Variants in CPNE7 observed in about 807,000 individuals in gnomAD.
CPNE7 encodes the protein copine 7.
CPNE7 carries 78 observed loss-of-function variants against 66.5 expected under a neutral mutation model. The observed-to-expected ratio is 1.17, with a 90% CI of 0.98 to 1.42. The LOEUF is 1.42. CPNE7 is among the 40% of genes most tolerant of loss of function. CPNE7 has a pLI of 0.00. For missense variants in CPNE7, 1,012 were observed against 776.6 expected (o/e 1.30, Z -3.60); for synonymous variants, 468 against 336.7 (o/e 1.39, Z -4.27).
intron 1 of CPNE7, among the ~76,000 whole-genome samples, chr16:89,576,777 G>T (rs1245757625): frequency 6.6e-6 from 1 of 152,194 alleles, no homozygotes; most frequent in East Asian, 1.9e-4. Flanking sequence ...CTCCAGCGCG[G>T]GCCCGGGCGG....
In CPNE7 at chr16:89,577,432, G is replaced by A. The variant is rs536591292; in HGVS notation, c.175-107G>A. ...GGCAGGAGGTCTTCCCAGGGTATGA[G>A]TCCTCCTGAGGTACCTGGGCGTGGG... On this transcript the variant is annotated intron_variant, in intron 1 of 14. Transcript: ENST00000319518. The A allele has an allele frequency of 3.5e-4, 411 of 1,160,694 alleles. 5 individuals are homozygous for A. In the South Asian group the frequency reaches 5.8e-3, roughly 17 times the overall value. 71.9% of individuals were successfully genotyped at this position (1,160,694 alleles called of 1,614,324 possible).
chr16:89,588,591 C>G lies in CPNE7; in HGVS notation c.928-84C>G, dbSNP rs575377902. Reference sequence around the variant, plus strand: ...GACCCCTGACCCTGAGTCCTGGCCACTCTGGGCGTGGTTTCTCTACCTGTC... The same window carrying G: ...GACCCCTGACCCTGAGTCCTGGCCAGTCTGGGCGTGGTTTCTCTACCTGTC... On this transcript the variant is annotated intron_variant, in intron 9 of 14. Transcript: ENST00000319518. 12 of 1,571,994 alleles carry G rather than the reference C, an allele frequency of 7.6e-6. No individual in the cohort carries two copies. The African/African-American group carries it at 1.6e-4, about 21-fold the overall frequency.
At chr16:89,588,232 C>G (rs1597711748) in intron 9 of CPNE7, among the ~76,000 whole-genome samples, 3 of 151,066 alleles carry the variant, frequency 2.0e-5, no homozygotes, top group Admixed American at 6.6e-5. Flanking sequence ...TACACGGCCC[C>G]CGTGTCACCC....
At chr16:89,592,075 C>T (rs1244725735) in intron 13 of CPNE7, among the ~76,000 whole-genome samples, 1 of 149,654 alleles carries the variant, frequency 6.7e-6, no homozygotes, top group African/African-American at 2.5e-5. Flanking sequence ...GTGGCGCAAT[C>T]TCCGCTCACT....
rs770620609 is a variant in CPNE7, at chr16:89,595,644, G to GTCCC, written c.1539+43_1539+46dup. Reference sequence around the variant, plus strand: ...GGGCTCCGTCAAGGCCGGCTTGGGGGTCCCTGTTCATGTCACTGCCCAAGA... The same window carrying GTCCC: ...GGGCTCCGTCAAGGCCGGCTTGGGGGTCCCTCCCTGTTCATGTCACTGCCCAAGA... On this transcript the variant is annotated intron_variant, in intron 14 of 14. Transcript: ENST00000319518. 11 of 1,544,800 alleles carry GTCCC rather than the reference G, an allele frequency of 7.1e-6. No individual in the cohort carries two copies. In the African/African-American group the frequency reaches 1.4e-4, roughly 19 times the overall value.
At chr16:89,589,325 A>G (rs892943362) in intron 10 of CPNE7, among the ~76,000 whole-genome samples, 1 of 152,180 alleles carries the variant, frequency 6.6e-6, no homozygotes, top group African/African-American at 2.4e-5. Flanking sequence ...AGGGCTGGGT[A>G]GCCCTACTGG....
chr16:89,588,763 T>A lies in CPNE7; in HGVS notation c.1016T>A (p.Leu339Gln), dbSNP rs148999662. Residue 339 changes from leucine to glutamine, a missense_variant, in exon 10 of 15, where the codon CTG becomes CAG. Physicochemically the swap from Leu to Gln is moderately radical, Grantham distance 113. Transcript: ENST00000319518. ...AACCCCTACCAGCCGAACGAGTACC[T>A]GAAGGCACTGGTGTCCGTGGGCGAG... is the stretch of plus-strand genomic sequence containing the variant. ...YINPYQPNEY[L>Q]KALVSVGEIC... 109 of 1,613,620 alleles carry A rather than the reference T, an allele frequency of 6.8e-5. No homozygotes were observed. Among genetic ancestry groups the A allele is most frequent in the Middle Eastern group, 1.6e-4 (1 of 6,084 alleles).
chr16:89,588,646 CA>C, intron 9 of CPNE7, 28 bp from the exon 10 acceptor site: 1 of 1,612,272 alleles, frequency 6.2e-7, no homozygotes, highest in Non-Finnish European at 8.5e-7. Flanking sequence ...CCCGGCCCAG[CA>C]CAGCTCCTGG....
chr16:89,576,076 G>T lies in CPNE7; in HGVS notation c.174+5G>T. On this transcript the variant is annotated splice_donor_5th_base_variant and intron_variant, in intron 1 of 14. Transcript: ENST00000319518. ...GCGCAGGGCCAGTGGGTGCAGGTAG[G>T]GCCGGGGCGTGGGAGGCCGAGAGGC... 1 of 1,261,006 alleles carries T rather than the reference G, an allele frequency of 7.9e-7. No individual in the cohort carries two copies. The allele number at this position is 1,261,006 out of a possible 1,614,324, so 78.1% of individuals were successfully genotyped here. A position where few individuals can be genotyped will look rare whatever the true frequency, so the allele number is the denominator to read the frequency against.
rs151338438 is a variant in CPNE7, at chr16:89,590,645, C to T, written c.1117-362C>T. Among the ~76,000 whole-genome samples the T allele has an allele frequency of 4.6e-3, 687 of 150,850 alleles. 5 individuals carry two copies. Among genetic ancestry groups the T allele is most frequent in the African/African-American group, 0.016 (663 of 40,920 alleles). On this transcript the variant is annotated intron_variant, in intron 11 of 14. Transcript: ENST00000319518. ...GCTGGATCCAGGGAGGTCTGCCTCCCTCTCTGTTTCATGACTCTGCAGAAC... is the reference window on the plus strand; with the variant it reads ...GCTGGATCCAGGGAGGTCTGCCTCCTTCTCTGTTTCATGACTCTGCAGAAC...
Position 89,584,248 on chromosome 16 carries a change from T to G in CPNE7, c.507+146T>G, listed in dbSNP as rs911644517. On this transcript the variant is annotated intron_variant, in intron 4 of 14. Coordinates refer to ENST00000319518, the MANE Select transcript of CPNE7 (RefSeq NM_153636.3). The surrounding 1 kb of genome is among the most constrained non-coding windows in gnomAD (Gnocchi z 6.0). ...GTGCCTGGGGCTGGGCGTGCTGCCGTCACGGTCGCCATCATCACTGTCACC... is the reference window on the plus strand; with the variant it reads ...GTGCCTGGGGCTGGGCGTGCTGCCGGCACGGTCGCCATCATCACTGTCACC... 1.4e-5 allele frequency: 11 copies of G among 791,424 alleles called. No homozygotes were observed. Among genetic ancestry groups the G allele is most frequent in the Non-Finnish European group, 2.1e-5 (11 of 512,752 alleles). 49.0% of individuals were successfully genotyped at this position (791,424 alleles called of 1,614,324 possible).
chr16:89,596,067 A>G (rs1418263213), intron 14 of CPNE7: 1 of 447,520 alleles, frequency 2.2e-6, no homozygotes, highest in East Asian at 5.3e-5. Context: ...TGCCACATAG[A>G]TGTGAAGTTC....
At position 89,591,077 on chromosome 16, in the gene CPNE7, C is replaced by A; in HGVS notation, c.1168+19C>A. 1 of 1,613,482 alleles carries A rather than the reference C, an allele frequency of 6.2e-7. No individual in the cohort carries two copies. The highest frequency in any genetic ancestry group is 8.5e-7 in the Non-Finnish European group (1 of 1,179,868). ...TGTGAAGGTAGGAGCTCGAGGCAGGCCTGGGGAGGGGAGTGCAGGGGGGCC... is the reference window on the plus strand; with the variant it reads ...TGTGAAGGTAGGAGCTCGAGGCAGGACTGGGGAGGGGAGTGCAGGGGGGCC... On this transcript the variant is annotated intron_variant, in intron 12 of 14. Coordinates refer to ENST00000319518, the MANE Select transcript of CPNE7 (RefSeq NM_153636.3).
rs971344894 is a variant in CPNE7 at position 89,575,926 on chromosome 16, C to T, written c.29C>T (p.Ala10Val). 1 of 1,263,116 alleles carries T rather than the reference C, an allele frequency of 7.9e-7. No homozygotes were observed. Among genetic ancestry groups the T allele is most frequent in the Non-Finnish European group, 1.0e-6 (1 of 1,003,820 alleles). 78.2% of individuals were successfully genotyped at this position (1,263,116 alleles called of 1,614,324 possible). MSAGSERGA[A>V]ATPGGLPAPC... is the part of the protein sequence containing the mutation. Reference sequence around the variant, plus strand: ...AGCGCGGGCTCGGAGCGCGGGGCGGCGGCAACCCCCGGGGGTTTGCCCGCG... The same window carrying T: ...AGCGCGGGCTCGGAGCGCGGGGCGGTGGCAACCCCCGGGGGTTTGCCCGCG... The change falls in exon 1 of 15, where the codon GCG becomes GTG. Residue 10 changes from alanine (A) to valine (V), a missense_variant. Coordinates refer to ENST00000319518, the MANE Select transcript of CPNE7 (RefSeq NM_153636.3).
intron 7 of CPNE7, 28 bp downstream of exon 7, chr16:89,585,813 C>A: frequency 2.8e-6 from 1 of 359,992 alleles, no homozygotes; most frequent in South Asian, 3.9e-5. Flanking sequence ...GGGGGTCCTC[C>A]AGGGAGGGTC....
Position 89,587,598 on chromosome 16 carries a change from A to T in CPNE7, c.927+496A>T. On this transcript the variant is annotated intron_variant, in intron 9 of 14. Transcript: ENST00000319518. The stretch of plus-strand genomic sequence containing the variant: ...AGAAACTGGAGTGAGCGTTTGAGTG[A>T]ACCAGCCACAGTCTCTACGTGTCAT... 4.4e-6 allele frequency: 2 copies of T among 453,816 alleles called. 1 individual carries two copies. The highest frequency in any genetic ancestry group is 3.1e-5 in the South Asian group (2 of 64,408). The allele number at this position is 453,816 out of a possible 1,614,324, so 28.1% of individuals were successfully genotyped here.
Position 89,577,635 on chromosome 16 carries a change from T to G in CPNE7, c.271T>G (p.Phe91Val). The G allele has an allele frequency of 6.3e-7, 1 of 1,584,826 alleles. No homozygotes were observed. Among genetic ancestry groups the G allele is most frequent in the Non-Finnish European group, 8.6e-7 (1 of 1,165,392 alleles). The change falls in exon 2 of 15, where the codon TTT becomes GTT. Residue 91 changes from phenylalanine to valine, a missense_variant. Physicochemically the swap from Phe to Val is conservative, Grantham distance 50. Transcript: ENST00000319518. ...CTTCGAGGAGGTGCAGAGGCTGCGC[T>G]TTGAGGTGTACGACACGCATGGGCC... ...YYFEEVQRLR[F>V]EVYDTHGPSG...
chr16:89,583,677 C>G lies in CPNE7; in HGVS notation c.358-20C>G. On this transcript the variant is annotated intron_variant, in intron 2 of 14. Coordinates refer to ENST00000319518, the MANE Select transcript of CPNE7 (RefSeq NM_153636.3). The stretch of plus-strand genomic sequence containing the variant: ...GCCGTCCCCGCCTGCCCCTCCCTGC[C>G]TGACGCCTCTGACTTACAGATTGTG... 1.2e-6 allele frequency: 2 copies of G among 1,612,684 alleles called. No homozygotes were observed. The highest frequency in any genetic ancestry group is 1.7e-6 in the Non-Finnish European group (2 of 1,179,840).
intron 1 of CPNE7, among the ~76,000 whole-genome samples, chr16:89,576,375 C>T (rs957146734): frequency 4.6e-5 from 7 of 151,666 alleles, no homozygotes; most frequent in African/African-American, 1.7e-4. Flanking sequence ...CAGAGTGAAG[C>T]GCCCAGGCAT....
Sources: gnomAD v4.1 joint callset for allele counts (sites outside exome capture counted in the v4.1 genomes callset) on GRCh38, gnomAD v4.1.1 for gene constraint, Gnocchi (gnomAD v3.1) non-coding constraint, MANE v1.5 for transcripts, NCBI Gene and HGNC (gene_info 2026-07-23, HGNC 2026-07-21) for gene names.